Variants in MDFIC2 observed in about 807,000 individuals in gnomAD.
MDFIC2 encodes the protein myoD family inhibitor domain-containing protein 2.
At chr3:70,218,590 G>A (rs760780145) in intron 2 of MDFIC2, among the ~76,000 whole-genome samples, 1 of 152,092 alleles carries the variant, frequency 6.6e-6, no homozygotes, top group Non-Finnish European at 1.5e-5. Context: ...TTTCCTCAGA[G>A]TTTCTATAGT....
At chr3:70,215,353 C>G (rs749613353) in intron 2 of MDFIC2, among the ~76,000 whole-genome samples, 12 of 152,088 alleles carry the variant, frequency 7.9e-5, no homozygotes, top group Non-Finnish European at 1.5e-4. Flanking sequence ...AAACGAAGCA[C>G]TCTGATATGA....
intron 3 of MDFIC2, among the ~76,000 whole-genome samples, chr3:70,202,081 T>TA (rs1477703829): frequency 6.6e-6 from 1 of 152,152 alleles, no homozygotes; most frequent in Admixed American, 6.5e-5. Flanking sequence ...GTCTATCTGA[T>TA]AGTGGTTAGT....
chr3:70,198,485 C>G (rs576988319), intron 3 of MDFIC2, among the ~76,000 whole-genome samples: 2 of 152,224 alleles, frequency 1.3e-5, no homozygotes, highest in South Asian at 2.1e-4. Flanking sequence ...TGAAAAGGAA[C>G]AAATATTTTA....
chr3:70,284,150 A>G (rs192324146), intron 2 of MDFIC2, among the ~76,000 whole-genome samples: 2 of 152,268 alleles, frequency 1.3e-5, no homozygotes, highest in Admixed American at 1.3e-4. Flanking sequence ...CATGAAAGCA[A>G]GAGTCACAGT....
rs1701208659 is a variant in MDFIC2, at chr3:70,198,989, A to G, written c.311-1804T>C. ...AACCTCATCGAGTTTTACCAATATG[A>G]AGACCACTACTATAGCAGTGGCTGC... On this transcript the variant is annotated intron_variant, in intron 3 of 3. Transcript: ENST00000567252. Among the ~76,000 whole-genome samples, 6 of 152,236 alleles carry G rather than the reference A, an allele frequency of 3.9e-5. No individual in the cohort carries two copies. In the South Asian group the frequency reaches 1.2e-3, roughly 31 times the overall value.
Position 70,196,169 on chromosome 3 carries a change from T to C in MDFIC2, c.*757A>G, listed in dbSNP as rs888772756. On this transcript the variant is annotated 3_prime_UTR_variant, in exon 4 of 4. Coordinates refer to ENST00000567252, the MANE Select transcript of MDFIC2 (RefSeq NM_001364677.1). ...AGATTTTTTTGAAACTTGCACATAA[T>C]TCTCATTTATGCTTATTAGAATAAC... Among the ~76,000 whole-genome samples, 6 of 152,210 alleles carry C rather than the reference T, an allele frequency of 3.9e-5. No homozygotes were observed. Among genetic ancestry groups the C allele is most frequent in the Non-Finnish European group, 5.9e-5 (4 of 68,028 alleles).
chr3:70,266,267 TTTAA>T (rs1319358279), intron 2 of MDFIC2, among the ~76,000 whole-genome samples: 1 of 151,970 alleles, frequency 6.6e-6, no homozygotes, highest in Non-Finnish European at 1.5e-5. Context: ...ATGACTTATA[TTTAA>T]TTATGTACTT....
chr3:70,293,499 A>T (rs1575618207), intron 2 of MDFIC2, among the ~76,000 whole-genome samples: 1 of 152,072 alleles, frequency 6.6e-6, no homozygotes, highest in Non-Finnish European at 1.5e-5. Context: ...TGATCCTACT[A>T]TTGTGATGTT....
chr3:70,259,492 G>A (rs1468811088), intron 2 of MDFIC2, among the ~76,000 whole-genome samples: 1 of 152,088 alleles, frequency 6.6e-6, no homozygotes, highest in Admixed American at 6.5e-5. Context: ...CACTTGAAGG[G>A]CAGGGAGTCT....
At chr3:70,236,817 A>T (rs1447805621) in intron 2 of MDFIC2, among the ~76,000 whole-genome samples, 1 of 152,140 alleles carries the variant, frequency 6.6e-6, no homozygotes, top group Non-Finnish European at 1.5e-5. Flanking sequence ...GCTGGTCTCA[A>T]AGTCCTGGCC....
intron 2 of MDFIC2, among the ~76,000 whole-genome samples, chr3:70,274,365 T>C (rs563103238): frequency 6.6e-6 from 1 of 151,684 alleles, no homozygotes; most frequent in East Asian, 1.9e-4. Context: ...AACTTAATTC[T>C]CTTGAAATAT....
At chr3:70,223,812 T>C (rs1352162265) in intron 2 of MDFIC2, among the ~76,000 whole-genome samples, 1 of 152,142 alleles carries the variant, frequency 6.6e-6, no homozygotes, top group Non-Finnish European at 1.5e-5. Flanking sequence ...TTTAATGGTT[T>C]TTCTCAGAGG....
chr3:70,229,562 C>A (rs1241027225), intron 2 of MDFIC2, among the ~76,000 whole-genome samples: 2 of 152,130 alleles, frequency 1.3e-5, no homozygotes, highest in East Asian at 3.9e-4. Context: ...GGGACATGGG[C>A]AGAAATGATG....
At chr3:70,256,456 A>T (rs1421839523) in intron 2 of MDFIC2, among the ~76,000 whole-genome samples, 1 of 152,188 alleles carries the variant, frequency 6.6e-6, no homozygotes, top group Non-Finnish European at 1.5e-5. Context: ...TAATTTAAGG[A>T]GGTATATTAA....
intron 2 of MDFIC2, among the ~76,000 whole-genome samples, chr3:70,255,628 T>C (rs1294470750): frequency 6.6e-6 from 1 of 151,338 alleles, no homozygotes; most frequent in Non-Finnish European, 1.5e-5. Flanking sequence ...AGCCTGGCTA[T>C]TTTTTTTTCC....
chr3:70,240,996 A>T (rs1458334202), intron 2 of MDFIC2, among the ~76,000 whole-genome samples: 1 of 152,100 alleles, frequency 6.6e-6, no homozygotes, highest in African/African-American at 2.4e-5. Flanking sequence ...ACAGTCAAGG[A>T]TATTCATTTT....
intron 2 of MDFIC2, among the ~76,000 whole-genome samples, chr3:70,290,722 C>T (rs1205183103): frequency 1.3e-5 from 2 of 152,038 alleles, no homozygotes; most frequent in East Asian, 1.9e-4. Flanking sequence ...ACTCCGTGGG[C>T]GTAGGACCCT....
intron 2 of MDFIC2, among the ~76,000 whole-genome samples, chr3:70,248,553 ACATAGT>A: frequency 6.6e-6 from 1 of 152,204 alleles, no homozygotes; most frequent in East Asian, 1.9e-4. Flanking sequence ...CAGGGAAAAT[ACATAGT>A]CAAATTTAGA....
intron 2 of MDFIC2, among the ~76,000 whole-genome samples, chr3:70,275,730 G>A (rs1172075698): frequency 6.6e-6 from 1 of 152,138 alleles, no homozygotes; most frequent in Admixed American, 6.6e-5. Flanking sequence ...AATAAATTGT[G>A]AAGTACAATT....
Sources: gnomAD v4.1 joint callset for allele counts (sites outside exome capture counted in the v4.1 genomes callset) on GRCh38, gnomAD v4.1.1 for gene constraint, MANE v1.5 for transcripts, NCBI Gene and HGNC (gene_info 2026-07-23, HGNC 2026-07-21) for gene names.